Variants in LAMA1 observed in about 807,000 individuals in gnomAD.
LAMA1 encodes laminin subunit alpha 1.
In LAMA1, 219 loss-of-function variants were observed where a neutral mutation model predicts 348.7. The observed-to-expected ratio is 0.63, with a 90% confidence interval of 0.56 to 0.70. The LOEUF is 0.70. Among genes scored for constraint, LAMA1 ranks in the 30% least tolerant of loss-of-function variants. The probability of loss-of-function intolerance (pLI) is 0.00; values close to 1 mark genes in which losing one functional copy is unlikely to be tolerated. For missense variants in LAMA1, 3,744 were observed against 3,888.0 expected, an observed-to-expected ratio of 0.96 and a Z score of 0.99; for synonymous variants, 1,487 against 1,491.0, an observed-to-expected ratio of 1.00 and a Z score of 0.06.
At position 6,964,694 on chromosome 18, in the gene LAMA1, A is replaced by G. The variant is rs772741127; in HGVS notation, c.7305T>C (p.Tyr2435=). Residue 2435 remains tyrosine (Y), a synonymous_variant, in exon 51 of 63, where the codon TAT becomes TAC. Transcript: ENST00000389658. ...CTCTTGACCTTGGTAATCCACCCAC[A>G]TAAATCGGGTCCTTGTCTAGGCGGT... ...DLNRLDKDPI[Y]VGGLPRSRVV... 3 of 1,614,106 alleles carry G rather than the reference A, an allele frequency of 1.9e-6. No individual in the cohort carries two copies. Among genetic ancestry groups the G allele is most frequent in the Non-Finnish European group, 2.5e-6 (3 of 1,179,940 alleles).
Position 6,978,053 on chromosome 18 carries a change from C to A in LAMA1, c.6190+143G>T, listed in dbSNP as rs184620098. 9.0e-5 allele frequency: 118 copies of A among 1,308,542 alleles called. No homozygotes were observed. In the East Asian group the frequency reaches 2.1e-3, roughly 23 times the overall value. The allele number at this position is 1,308,542 out of a possible 1,614,324, so 81.1% of individuals were successfully genotyped here. A position where few individuals can be genotyped will look rare whatever the true frequency, so the allele number is the denominator to read the frequency against. On this transcript the variant is annotated intron_variant, in intron 43 of 62. Transcript: ENST00000389658. ...CAAGTAGCATGCATTTCCCAAGGTC[C>A]TTCTCTTAATAAAGGCTAATCCAGA... is the stretch of plus-strand genomic sequence containing the variant.
chr18:7,112,347 G>C (rs889251035), intron 1 of LAMA1, among the ~76,000 whole-genome samples: 5 of 152,120 alleles, frequency 3.3e-5, no homozygotes, highest in African/African-American at 4.8e-5. Context: ...AGTGGACAGA[G>C]GGATACTGTT....
intron 47 of LAMA1, 21 bp downstream of exon 47, chr18:6,973,036 G>T: frequency 1.2e-6 from 2 of 1,613,770 alleles, no homozygotes; most frequent in Non-Finnish European, 1.7e-6. Context: ...GTCCTGTTCA[G>T]AAGAACTTTC....
intron 57 of LAMA1, 58 bp downstream of exon 57, chr18:6,955,295 A>G: frequency 7.6e-7 from 1 of 1,313,262 alleles, no homozygotes; most frequent in Non-Finnish European, 1.1e-6. Flanking sequence ...GTGGCTGCAG[A>G]ACACCCCCAT....
intron 45 of LAMA1, among the ~76,000 whole-genome samples, chr18:6,975,299 G>A (rs1041623495): frequency 6.6e-6 from 1 of 152,158 alleles, no homozygotes; most frequent in African/African-American, 2.4e-5. Flanking sequence ...GAGTCCCCAG[G>A]AAAATTCGCT....
At chr18:6,969,410 G>T (rs2057648290) in intron 48 of LAMA1, among the ~76,000 whole-genome samples, 2 of 152,146 alleles carry the variant, frequency 1.3e-5, no homozygotes, top group Non-Finnish European at 2.9e-5. Context: ...CCAGGACAGG[G>T]TTACCATGCA....
intron 19 of LAMA1, among the ~76,000 whole-genome samples, chr18:7,019,889 G>A (rs1455861487): frequency 6.6e-6 from 1 of 151,420 alleles, no homozygotes; most frequent in Non-Finnish European, 1.5e-5. Flanking sequence ...GCCATGTTGG[G>A]CAGGCTGGTC....
rs571866973 is a variant in LAMA1, at chr18:7,109,946, G to A, written c.61+7714C>T. Reference sequence around the variant, plus strand: ...CGCCTGTAATCCCAGCACTTTGGGAGGCCAAGGCGGGTGGATCACAAGGTC... The same window carrying A: ...CGCCTGTAATCCCAGCACTTTGGGAAGCCAAGGCGGGTGGATCACAAGGTC... On this transcript the variant is annotated intron_variant, in intron 1 of 62. Transcript: ENST00000389658. Among the ~76,000 whole-genome samples, 31 of 152,326 alleles carry A rather than the reference G, an allele frequency of 2.0e-4. No individual in the cohort carries two copies. The South Asian group carries it at 2.5e-3, about 12-fold the overall frequency.
At chr18:7,092,679 C>A (rs565708947) in intron 1 of LAMA1, among the ~76,000 whole-genome samples, 7 of 150,920 alleles carry the variant, frequency 4.6e-5, no homozygotes, top group Non-Finnish European at 1.0e-4. Flanking sequence ...TAGCTTCCAT[C>A]TTGGCAAACC....
chr18:6,942,482 C>T (rs1021804209), intron 62 of LAMA1, among the ~76,000 whole-genome samples: 4 of 151,818 alleles, frequency 2.6e-5, no homozygotes, highest in Non-Finnish European at 4.4e-5. Context: ...GGCGCGATCT[C>T]GGCTCACTGC....
rs1568046765 is a variant in LAMA1, at chr18:7,050,711, G to A, written c.571C>T (p.Pro191Ser). Residue 191 changes from proline to serine, a missense_variant, in exon 4 of 63, where the codon CCA (proline) becomes TCA (serine). Pro to Ser is a moderately conservative substitution (Grantham distance 74). Transcript: ENST00000389658. ...ATACCTACCTCTCCATGCTCAAGTGGCACCAATCTGGAATAATAGGAGGTG... is the reference window on the plus strand; with the variant it reads ...ATACCTACCTCTCCATGCTCAAGTGACACCAATCTGGAATAATAGGAGGTG... ...ICTSYYSRLV[P>S]LEHGEIHTSL... 1 of 1,613,900 alleles carries A rather than the reference G, an allele frequency of 6.2e-7. No homozygotes were observed. The highest frequency in any genetic ancestry group is 8.5e-7 in the Non-Finnish European group (1 of 1,180,032).
intron 42 of LAMA1, among the ~76,000 whole-genome samples, chr18:6,979,863 C>T (rs112647939): frequency 0.016 from 2,510 of 152,270 alleles, 74 homozygotes; most frequent in African/African-American, 0.058. Context: ...CGCGCCACTG[C>T]ACTCCAGCCT....
At chr18:7,099,256 A>G (rs28679416) in intron 1 of LAMA1, among the ~76,000 whole-genome samples, 3,168 of 150,658 alleles carry the variant, frequency 0.021, 88 homozygotes, top group African/African-American at 0.073. Flanking sequence ...TGTTAAACAG[A>G]TGCTTGAAGG....
At chr18:7,003,538 G>A (rs544713253) in intron 29 of LAMA1, among the ~76,000 whole-genome samples, 17 of 152,240 alleles carry the variant, frequency 1.1e-4, no homozygotes, top group African/African-American at 3.9e-4. Flanking sequence ...GATTACAGGC[G>A]TGAGCCACCG....
Position 7,041,965 on chromosome 18 carries a change from T to G in LAMA1, c.1261+180A>C, listed in dbSNP as rs111376573. ...CAAGGACTTTGACTACCTTGTTAAG[T>G]ACACATTCCCAGGTCCTCAAAAACT... On this transcript the variant is annotated intron_variant, in intron 9 of 62. Coordinates refer to ENST00000389658, the MANE Select transcript of LAMA1 (RefSeq NM_005559.4). Among the ~76,000 whole-genome samples the G allele has an allele frequency of 6.9e-3, 1,051 of 152,296 alleles. 13 individuals are homozygous for G. The highest frequency in any genetic ancestry group is 0.022 in the African/African-American group (919 of 41,560).
At chr18:6,976,263 G>A (rs1274518420) in intron 44 of LAMA1, among the ~76,000 whole-genome samples, 183 bp from the exon 45 acceptor site, 3 of 152,178 alleles carry the variant, frequency 2.0e-5, no homozygotes, top group Non-Finnish European at 4.4e-5. Context: ...ATTTCATTAA[G>A]TGTTTAAATA....
At position 6,955,328 on chromosome 18, in the gene LAMA1, A is replaced by T. The variant is rs368177039; in HGVS notation, c.8207+25T>A. On this transcript the variant is annotated intron_variant, in intron 57 of 62. Transcript: ENST00000389658. The stretch of plus-strand genomic sequence containing the variant: ...CATACATCTAGCAATGAGACGCCGC[A>T]TAAGGATGTTAGAATGATACCTACT... The T allele has an allele frequency of 1.1e-4, 171 of 1,565,008 alleles. No individual in the cohort carries two copies. In the African/African-American group the frequency reaches 2.2e-3, roughly 20 times the overall value.
Position 7,117,654 on chromosome 18 carries a change from G to C in LAMA1, c.61+6C>G, listed in dbSNP as rs375429860. On this transcript the variant is annotated splice_donor_region_variant and intron_variant, in intron 1 of 62. Coordinates refer to ENST00000389658, the MANE Select transcript of LAMA1 (RefSeq NM_005559.4). ...ACAGGGACCCTAGGACCCGGGCCGG[G>C]CTCACCTCTCTGCCGGCACTGCGCG... 5.0e-6 allele frequency: 8 copies of C among 1,596,906 alleles called. No individual in the cohort carries two copies. Among genetic ancestry groups the C allele is most frequent in the Non-Finnish European group, 6.8e-6 (8 of 1,178,260 alleles).
chr18:7,064,839 T>C (rs1207835181), intron 3 of LAMA1, among the ~76,000 whole-genome samples: 1 of 152,210 alleles, frequency 6.6e-6, no homozygotes. Flanking sequence ...TTAAATTATA[T>C]GATTGACAAT....
Sources: gnomAD v4.1 joint callset for allele counts (sites outside exome capture counted in the v4.1 genomes callset) on GRCh38, gnomAD v4.1.1 for gene constraint, MANE v1.5 for transcripts, NCBI Gene and HGNC (gene_info 2026-07-23, HGNC 2026-07-21) for gene names.